Variants in CCKBR observed in about 807,000 individuals in gnomAD.
CCKBR encodes the protein gastrin/cholecystokinin type B receptor.
A neutral mutation model predicts 34.6 loss-of-function variants in CCKBR; 33 were observed. That is an observed-to-expected ratio of 0.95 (90% CI 0.72 to 1.27). The LOEUF is 1.27. Among genes scored for constraint, CCKBR ranks in the 50% most tolerant of loss-of-function variants. The pLI is 0.00. For synonymous variants in CCKBR, 269 were observed against 267.5 expected (o/e 1.01, Z -0.06); for missense variants, 652 against 617.4 (o/e 1.06, Z -0.59).
At chr11:6,267,358 A>G (rs1472131325) in intron 1 of CCKBR, among the ~76,000 whole-genome samples, 3 of 37,628 alleles carry the variant, frequency 8.0e-5, no homozygotes, top group Non-Finnish European at 2.0e-4. Context: ...TAACTTTAGA[A>G]AAAAAAAAAA....
intron 2 of CCKBR, 65 bp from the exon 3 acceptor site, chr11:6,270,023 T>C: frequency 1.3e-6 from 2 of 1,588,384 alleles, no homozygotes; most frequent in Non-Finnish European, 1.7e-6. Flanking sequence ...TGTGAGGAAG[T>C]CCCACTGATG....
intron 1 of CCKBR, among the ~76,000 whole-genome samples, chr11:6,262,215 T>A (rs1159333052): frequency 6.6e-6 from 1 of 151,664 alleles, no homozygotes; most frequent in Non-Finnish European, 1.5e-5. Context: ...ACAGGAGAGG[T>A]CTGAGGTGGA....
chr11:6,269,817 C>A lies in CCKBR; in HGVS notation c.300C>A (p.Asp100Glu). Residue 100 changes from aspartate to glutamate, a missense_variant, in exon 2 of 5, where the codon GAC becomes GAA. Physicochemically the swap from Asp to Glu is conservative, Grantham distance 45 (BLOSUM62 2). Coordinates refer to ENST00000334619, the MANE Select transcript of CCKBR (RefSeq NM_176875.4). ...TCCTCCTCTCACTGGCAGTCAGCGA[C>A]CTCCTGCTGGCTGTGGCTTGCATGC... is the stretch of plus-strand genomic sequence containing the variant. ...NAFLLSLAVSDLLLAVACMPF... is the reference protein window; with the variant it reads ...NAFLLSLAVSELLLAVACMPF... 1 of 1,614,162 alleles carries A rather than the reference C, an allele frequency of 6.2e-7. No homozygotes were observed. Among genetic ancestry groups the A allele is most frequent in the South Asian group, 1.1e-5 (1 of 91,084 alleles).
At chr11:6,261,462 T>TATATAA in intron 1 of CCKBR, among the ~76,000 whole-genome samples, 1 of 64,006 alleles carries the variant, frequency 1.6e-5, no homozygotes, top group Admixed American at 2.5e-4. Context: ...AAAATATATA[T>TATATAA]ACACACACAC....
At chr11:6,262,484 T>C (rs2133894973) in intron 1 of CCKBR, among the ~76,000 whole-genome samples, 1 of 152,236 alleles carries the variant, frequency 6.6e-6, no homozygotes, top group African/African-American at 2.4e-5. Context: ...TGATATCAAA[T>C]GCTATTGACA....
chr11:6,262,077 C>T (rs1304212725), intron 1 of CCKBR, among the ~76,000 whole-genome samples: 1 of 152,064 alleles, frequency 6.6e-6, no homozygotes, highest in East Asian at 1.9e-4. Flanking sequence ...AGAAAGATAA[C>T]AAAACAGCAG....
At chr11:6,264,540 C>G (rs1848181997) in intron 1 of CCKBR, 2 of 700,378 alleles carry the variant, frequency 2.9e-6, no homozygotes, top group African/African-American at 1.7e-5. Context: ...TCTGAGTCGC[C>G]TGGTCTGATG....
chr11:6,271,680 T>G lies in CCKBR; in HGVS notation c.*137T>G. On this transcript the variant is annotated 3_prime_UTR_variant, in exon 5 of 5. Transcript: ENST00000334619. ...ACTAACCCCAACGCACAGGAAAAGG[T>G]AGCTTACCTGACACAAGAGGAATAA... 1 of 838,708 alleles carries G rather than the reference T, an allele frequency of 1.2e-6. No homozygotes were observed. Among genetic ancestry groups the G allele is most frequent in the South Asian group, 1.8e-5 (1 of 54,424 alleles). The allele number at this position is 838,708 out of a possible 1,614,324, so 52.0% of individuals were successfully genotyped here.
Position 6,271,154 on chromosome 11 carries a change from C to A in CCKBR, c.955C>A (p.Arg319=). ...LTAPGPGSGS[R]PTQAKLLAKK... Reference sequence around the variant, plus strand: ...GGCTCCTGGGCCGGGATCCGGCTCCCGGCCCACCCAGGCCAAGCTGCTGGC... The same window carrying A: ...GGCTCCTGGGCCGGGATCCGGCTCCAGGCCCACCCAGGCCAAGCTGCTGGC... The change falls in exon 5 of 5, where the codon CGG becomes AGG. Residue 319 remains arginine (R), a synonymous_variant. Coordinates refer to ENST00000334619, the MANE Select transcript of CCKBR (RefSeq NM_176875.4). 2 of 1,614,120 alleles carry A rather than the reference C, an allele frequency of 1.2e-6. No individual in the cohort carries two copies. Among genetic ancestry groups the A allele is most frequent in the Non-Finnish European group, 1.7e-6 (2 of 1,179,996 alleles).
intron 1 of CCKBR, among the ~76,000 whole-genome samples, chr11:6,262,782 A>G (rs2133895607): frequency 6.6e-6 from 1 of 151,536 alleles, no homozygotes; most frequent in East Asian, 1.9e-4. Context: ...GGGAGTGGGT[A>G]TGTGCATAGG....
chr11:6,260,159 C>G, intron 1 of CCKBR, 80 bp downstream of exon 1: 2 of 1,073,208 alleles, frequency 1.9e-6, no homozygotes, highest in South Asian at 1.5e-5. Flanking sequence ...CCAACGAGCT[C>G]CACACTACCT....
intron 1 of CCKBR, among the ~76,000 whole-genome samples, chr11:6,266,597 A>G (rs998866790): frequency 1.3e-5 from 2 of 152,218 alleles, no homozygotes; most frequent in Admixed American, 6.5e-5. Flanking sequence ...ATTAGGGATC[A>G]GGGACTTGGC....
At position 6,271,594 on chromosome 11, in the gene CCKBR, C is replaced by A; in HGVS notation, c.*51C>A. Reference sequence around the variant, plus strand: ...GGCAGGGCAAATGACATGCACTGACCCTTCCAGACATACGAAACACAAACC... The same window carrying A: ...GGCAGGGCAAATGACATGCACTGACACTTCCAGACATACGAAACACAAACC... On this transcript the variant is annotated 3_prime_UTR_variant, in exon 5 of 5. Coordinates refer to ENST00000334619, the MANE Select transcript of CCKBR (RefSeq NM_176875.4). The A allele has an allele frequency of 6.7e-7, 1 of 1,490,440 alleles. No individual in the cohort carries two copies. Among genetic ancestry groups the A allele is most frequent in the South Asian group, 1.3e-5 (1 of 76,126 alleles). The allele number at this position is 1,490,440 out of a possible 1,614,324, so 92.3% of individuals were successfully genotyped here.
In CCKBR at chr11:6,261,454, A is replaced by ATAT. The variant is rs1554918944; in HGVS notation, c.151+1375_151+1376insTAT. 3.8e-3 allele frequency among the ~76,000 whole-genome samples: 229 copies of ATAT among 60,874 alleles called. 10 individuals carry two copies. The highest frequency in any genetic ancestry group is 5.3e-3 in the Admixed American group (22 of 4,120). The allele number at this position is 60,874 out of a possible 152,430, so 39.9% of individuals were successfully genotyped here. A position where few individuals can be genotyped will look rare whatever the true frequency, so the allele number is the denominator to read the frequency against. ...GTTGGCAAAAAAAAAAAAAAAAAAA[A>ATAT]ATATATATACACACACACACACACA... On this transcript the variant is annotated intron_variant, in intron 1 of 4. Transcript: ENST00000334619.
Position 6,271,656 on chromosome 11 carries a change from C to A in CCKBR, c.*113C>A. ...AGGAAACCAACACCCAAAGCATGGACTAACCCCAACGCACAGGAAAAGGTA... is the reference window on the plus strand; with the variant it reads ...AGGAAACCAACACCCAAAGCATGGAATAACCCCAACGCACAGGAAAAGGTA... On this transcript the variant is annotated 3_prime_UTR_variant, in exon 5 of 5. Transcript: ENST00000334619. 2 of 1,044,300 alleles carry A rather than the reference C, an allele frequency of 1.9e-6. No homozygotes were observed. The highest frequency in any genetic ancestry group is 2.7e-6 in the Non-Finnish European group (2 of 737,804). The allele number at this position is 1,044,300 out of a possible 1,614,324, so 64.7% of individuals were successfully genotyped here.
rs773217971 is a variant in CCKBR, at chr11:6,269,802, A to G, written c.285A>G (p.Ser95=). ...LRTVTNAFLL[S]LAVSDLLLAV... ...CTGTCACCAATGCCTTCCTCCTCTC[A>G]CTGGCAGTCAGCGACCTCCTGCTGG... The change falls in exon 2 of 5, where the codon TCA becomes TCG. Residue 95 remains serine, a synonymous_variant. Transcript: ENST00000334619. 2 of 1,613,726 alleles carry G rather than the reference A, an allele frequency of 1.2e-6. No individual in the cohort carries two copies. Among genetic ancestry groups the G allele is most frequent in the Non-Finnish European group, 1.7e-6 (2 of 1,179,684 alleles).
chr11:6,269,046 T>C (rs2133902531), intron 1 of CCKBR, among the ~76,000 whole-genome samples: 1 of 144,734 alleles, frequency 6.9e-6, no homozygotes, highest in Non-Finnish European at 1.5e-5. Context: ...GTGGCTTGCT[T>C]AAATGCCTGC....
At chr11:6,267,097 T>A in intron 1 of CCKBR, among the ~76,000 whole-genome samples, 1 of 152,180 alleles carries the variant, frequency 6.6e-6, no homozygotes, top group Non-Finnish European at 1.5e-5. Flanking sequence ...GCTAAGTCAG[T>A]GATGAGTGGT....
chr11:6,262,729 A>AG (rs1554919174), intron 1 of CCKBR, among the ~76,000 whole-genome samples: 2 of 151,414 alleles, frequency 1.3e-5, no homozygotes, highest in South Asian at 2.1e-4. Context: ...AGAGAGAAAG[A>AG]AAAGCAGGAT....
Sources: gnomAD v4.1 joint callset for allele counts (sites outside exome capture counted in the v4.1 genomes callset) on GRCh38, gnomAD v4.1.1 for gene constraint, MANE v1.5 for transcripts, NCBI Gene and HGNC (gene_info 2026-07-23, HGNC 2026-07-21) for gene names.